The following SHLD2 variants were observed in gnomAD, a reference collection of about 807,000 sequenced individuals.
SHLD2 encodes shieldin complex subunit 2.
SHLD2 carries 30 observed loss-of-function variants against 73.2 expected under a neutral mutation model. The ratio of observed to expected loss-of-function variants is 0.41; its 90% confidence interval spans 0.31 to 0.56. The LOEUF is 0.56. Ranked by LOEUF, SHLD2 falls within the 20% of genes least tolerant of loss-of-function variation. The pLI is 0.28. For synonymous variants in SHLD2, 285 were observed against 370.1 expected, an observed-to-expected ratio of 0.77 and a Z score of 2.64; for missense variants, 745 against 1,055.9, an observed-to-expected ratio of 0.71 and a Z score of 4.08.
intron 2 of SHLD2, among the ~76,000 whole-genome samples, chr10:87,112,847 G>T (rs1378999754): frequency 6.6e-6 from 1 of 152,094 alleles, no homozygotes; most frequent in Non-Finnish European, 1.5e-5. Flanking sequence ...CAGTCTGGCA[G>T]TTCCTCAAAA....
chr10:87,137,999 C>T (rs1167232495), intron 2 of SHLD2, among the ~76,000 whole-genome samples: 1 of 152,040 alleles, frequency 6.6e-6, no homozygotes, highest in Admixed American at 6.6e-5. Context: ...AGTGAGACCC[C>T]ATCTCTATTT....
intron 2 of SHLD2, among the ~76,000 whole-genome samples, chr10:87,105,639 A>G (rs548484558): frequency 2.7e-4 from 41 of 152,346 alleles, no homozygotes; most frequent in African/African-American, 9.9e-4. Flanking sequence ...GGACTCAATG[A>G]TACCATCAGA....
intron 2 of SHLD2, among the ~76,000 whole-genome samples, chr10:87,124,697 C>T (rs1313319804): frequency 6.6e-6 from 1 of 151,862 alleles, no homozygotes; most frequent in South Asian, 2.1e-4. Context: ...AATATTTATA[C>T]ACCCTTTGTA....
upstream of SHLD2, chr10:87,094,558 T>C: frequency 6.2e-7 from 1 of 1,612,106 alleles, no homozygotes; most frequent in Non-Finnish European, 8.5e-7. The surrounding 1 kb of genome is among the most constrained non-coding windows in gnomAD (Gnocchi z 6.6). Flanking sequence ...GAAGAAGCCC[T>C]CCACCATCTT....
intron 2 of SHLD2, among the ~76,000 whole-genome samples, chr10:87,139,015 A>G (rs1475086040): frequency 1.3e-5 from 2 of 152,264 alleles, no homozygotes; most frequent in African/African-American, 4.8e-5. Flanking sequence ...AGAAATCTAT[A>G]GAAGTAAGAG....
chr10:87,180,143 C>G lies in SHLD2; in HGVS notation c.2239C>G (p.Leu747Val), dbSNP rs1273003472. The G allele has an allele frequency of 1.2e-6, 2 of 1,613,878 alleles. No individual in the cohort carries two copies. The highest frequency in any genetic ancestry group is 8.5e-7 in the Non-Finnish European group (1 of 1,179,834). The change falls in exon 8 of 10, where the codon CTA (leucine) becomes GTA (valine). Residue 747 changes from leucine (L) to valine (V), a missense_variant. Physicochemically the swap from Leu to Val is conservative, Grantham distance 32 (BLOSUM62 1). Around this residue, in one of 5 missense-constraint regions of SHLD2, gnomAD observed 418 missense variants for 567.8 expected, o/e 0.74. Transcript: ENST00000298786. ...FPITASQKIA[L>V]NAHSSLKSIF... ...TATTACAGCATCTCAGAAGATAGCG[C>G]TAAATGCTCACAGTTCTCTGAAGAG...
chr10:87,168,049 C>T (rs74722060), intron 4 of SHLD2, among the ~76,000 whole-genome samples: 24,412 of 152,078 alleles, frequency 0.16, 2,068 homozygotes, highest in African/African-American at 0.19. Context: ...TTAGTTCAGC[C>T]GCTGTTGAAA....
At chr10:87,115,666 A>T (rs1460005359) in intron 2 of SHLD2, 1 of 152,220 alleles carries the variant, frequency 6.6e-6, no homozygotes, top group African/African-American at 2.4e-5. Flanking sequence ...GTTTTCTGAA[A>T]GTTTTACTTG....
At chr10:87,133,718 C>G (rs1844599061) in intron 2 of SHLD2, among the ~76,000 whole-genome samples, 1 of 152,176 alleles carries the variant, frequency 6.6e-6, no homozygotes, top group African/African-American at 2.4e-5. Context: ...AATATGTTGT[C>G]TAAGGACAGA....
chr10:87,156,904 A>G (rs1414268449), intron 3 of SHLD2, among the ~76,000 whole-genome samples: 1 of 152,160 alleles, frequency 6.6e-6, no homozygotes, highest in Non-Finnish European at 1.5e-5. Flanking sequence ...GCTCTGATGA[A>G]TGACTCATTA....
intron 2 of SHLD2, among the ~76,000 whole-genome samples, chr10:87,109,430 C>T (rs1428065319): frequency 6.6e-6 from 1 of 151,972 alleles, no homozygotes; most frequent in African/African-American, 2.4e-5. Flanking sequence ...TCCCGAGTAG[C>T]TGGGATTATA....
At chr10:87,159,744 A>G (rs1846675360) in intron 4 of SHLD2, among the ~76,000 whole-genome samples, 1 of 152,226 alleles carries the variant, frequency 6.6e-6, no homozygotes, top group Non-Finnish European at 1.5e-5. Flanking sequence ...GGGACAATCT[A>G]CTGCTACTGA....
upstream of SHLD2, chr10:87,094,810 G>C (rs750771951): frequency 4.1e-6 from 6 of 1,479,264 alleles, no homozygotes; most frequent in Non-Finnish European, 5.5e-6. This position sits in a 1 kb window ranked among gnomAD's most constrained non-coding sequence, Gnocchi z 6.6. Context: ...TCGCGAAACA[G>C]GCGCGCTTTC....
chr10:87,132,591 A>G (rs1844505073), intron 2 of SHLD2, among the ~76,000 whole-genome samples: 1 of 152,138 alleles, frequency 6.6e-6, no homozygotes. Context: ...CCAGGGCAAC[A>G]TGGTGAAACC....
intron 2 of SHLD2, among the ~76,000 whole-genome samples, chr10:87,106,908 G>T (rs967244963): frequency 6.6e-6 from 1 of 152,122 alleles, no homozygotes; most frequent in Non-Finnish European, 1.5e-5. Flanking sequence ...GATAGCTTGA[G>T]ATGAGACTAT....
chr10:87,127,405 A>G (rs1160327438), intron 2 of SHLD2, among the ~76,000 whole-genome samples: 2 of 151,176 alleles, frequency 1.3e-5, no homozygotes, highest in African/African-American at 4.8e-5. Context: ...AGTAGTTTTT[A>G]GGTACAGTCA....
chr10:87,118,290 G>A (rs953360399), intron 2 of SHLD2, among the ~76,000 whole-genome samples: 6 of 152,166 alleles, frequency 3.9e-5, no homozygotes, highest in Non-Finnish European at 8.8e-5. Flanking sequence ...TATTTATAGA[G>A]AGATTAGTCA....
At chr10:87,178,235 C>CAAAAA (rs71019476) in intron 7 of SHLD2, among the ~76,000 whole-genome samples, 4 of 31,036 alleles carry the variant, frequency 1.3e-4, no homozygotes, top group African/African-American at 2.6e-4. Context: ...TACTCTGTCT[C>CAAAAA]AAAAAAAAAA....
chr10:87,174,741 A>G (rs1847832416), intron 6 of SHLD2, among the ~76,000 whole-genome samples: 1 of 152,210 alleles, frequency 6.6e-6, no homozygotes. Context: ...ATTTACTAAT[A>G]CAGAATATGA....
Sources: gnomAD v4.1 joint callset for allele counts (sites outside exome capture counted in the v4.1 genomes callset) on GRCh38, gnomAD v4.1.1 for gene constraint, gnomAD v4.1.1 regional missense constraint, Gnocchi (gnomAD v3.1) non-coding constraint, MANE v1.5 for transcripts, NCBI Gene and HGNC (gene_info 2026-07-23, HGNC 2026-07-21) for gene names.